SMAD7: variants seen among roughly 807,000 people sequenced by gnomAD.
The protein encoded by SMAD7 is SMAD family member 7, also known as MAD (mothers against decapentaplegic, Drosophila) homolog 7.
A neutral mutation model predicts 38.7 loss-of-function variants in SMAD7; 8 were observed. The observed-to-expected ratio is 0.21, with a 90% CI of 0.12 to 0.37. The LOEUF is 0.37. Among genes scored for constraint, SMAD7 ranks in the 10% least tolerant of loss-of-function variants. The pLI, the probability that SMAD7 is intolerant of heterozygous loss-of-function variation, is 1.00. For synonymous variants in SMAD7, 327 were observed against 265.1 expected, an observed-to-expected ratio of 1.23 and a Z score of -2.27; for missense variants, 477 against 577.9, an observed-to-expected ratio of 0.83 and a Z score of 1.79.
intron 1 of SMAD7, chr18:48,949,080 G>A (rs2070230959): frequency 1.3e-5 from 2 of 152,842 alleles, no homozygotes; most frequent in African/African-American, 4.8e-5. Flanking sequence ...AGCGCAGTAA[G>A]AGGCGACAAC....
At chr18:48,948,738 G>A (rs1362878872) in intron 1 of SMAD7, among the ~76,000 whole-genome samples, 2 of 152,242 alleles carry the variant, frequency 1.3e-5, no homozygotes, top group African/African-American at 4.8e-5. Flanking sequence ...CAGGGCGGGG[G>A]GCGACCATGC....
chr18:48,925,084 G>A (rs1264515894), intron 3 of SMAD7, among the ~76,000 whole-genome samples: 1 of 152,228 alleles, frequency 6.6e-6, no homozygotes, highest in Non-Finnish European at 1.5e-5. Flanking sequence ...CGGGCCACGT[G>A]TCGAGGGGCT....
chr18:48,929,563 T>TCACACACACA (rs1290309827), intron 3 of SMAD7, among the ~76,000 whole-genome samples: 1 of 38,560 alleles, frequency 2.6e-5, no homozygotes, highest in Non-Finnish European at 6.0e-5. Flanking sequence ...TCTCTCTCTC[T>TCACACACACA]CTCTCTCACT....
At chr18:48,949,244 A>G in intron 1 of SMAD7, 1 of 982,110 alleles carries the variant, frequency 1.0e-6, no homozygotes, top group Non-Finnish European at 1.2e-6. Context: ...TCGGCCTTCC[A>G]TCCAACTCTC....
rs141923602 is a variant in SMAD7, at chr18:48,929,516, TTCTC to T, written c.743-7610_743-7607del. On this transcript the variant is annotated intron_variant, in intron 3 of 3. Coordinates refer to ENST00000262158, the MANE Select transcript of SMAD7 (RefSeq NM_005904.4). The stretch of plus-strand genomic sequence containing the variant: ...GCAGCTGGCACTGAATGCTGATTCA[TTCTC>T]TCTCTCTCTCTCTCAATCTCTTTCT... Among the ~76,000 whole-genome samples, 507 of 144,386 alleles carry T rather than the reference TTCTC, an allele frequency of 3.5e-3. 4 individuals carry two copies. Among genetic ancestry groups the T allele is most frequent in the Admixed American group, 0.021 (308 of 14,484 alleles). 94.7% of individuals were successfully genotyped at this position (144,386 alleles called of 152,430 possible). A position where few individuals can be genotyped will look rare whatever the true frequency, so the allele number is the denominator to read the frequency against.
rs1568301720 is a variant in SMAD7 at position 48,934,859 on chromosome 18, C to A, written c.742+7622G>T. The stretch of plus-strand genomic sequence containing the variant: ...AACCACTTTTCTCTGGAGTTATTCT[C>A]AAAAAAAAAGATGATGCAATTTCCT... On this transcript the variant is annotated intron_variant, in intron 3 of 3. Transcript: ENST00000262158. Among the ~76,000 whole-genome samples, 4 of 150,226 alleles carry A rather than the reference C, an allele frequency of 2.7e-5. 1 individual carries two copies. The highest frequency in any genetic ancestry group is 2.0e-4 in the Admixed American group (3 of 15,110).
At chr18:48,945,023 A>G (rs1309936727) in intron 2 of SMAD7, among the ~76,000 whole-genome samples, 1 of 152,206 alleles carries the variant, frequency 6.6e-6, no homozygotes, top group Non-Finnish European at 1.5e-5. Context: ...TGGGAGTCCC[A>G]CGATAGTCTC....
intron 3 of SMAD7, among the ~76,000 whole-genome samples, chr18:48,938,589 G>A (rs1363249081): frequency 6.6e-6 from 1 of 152,186 alleles, no homozygotes; most frequent in African/African-American, 2.4e-5. Context: ...AAAGGAGGAG[G>A]CTAGAAGATG....
At position 48,921,978 on chromosome 18, in the gene SMAD7, CG is replaced by C; in HGVS notation, c.743-69del. The C allele has an allele frequency of 8.2e-7, 1 of 1,214,980 alleles. No individual in the cohort carries two copies. Among genetic ancestry groups the C allele is most frequent in the Non-Finnish European group, 1.1e-6 (1 of 873,714 alleles). The allele number at this position is 1,214,980 out of a possible 1,614,324, so 75.3% of individuals were successfully genotyped here. On this transcript the variant is annotated intron_variant, in intron 3 of 3. Transcript: ENST00000262158. This position sits in a 1 kb window ranked among gnomAD's most constrained non-coding sequence, Gnocchi z 6.4. ...TGGTGACTCCTAGAATGAAGACACC[CG>C]CCCCCCCACTGCACCCAGTCACCAG...
chr18:48,932,691 T>C (rs1177230917), intron 3 of SMAD7, among the ~76,000 whole-genome samples: 2 of 152,266 alleles, frequency 1.3e-5, no homozygotes, highest in African/African-American at 4.8e-5. Flanking sequence ...GGTAACTGCA[T>C]CTTAGATTAT....
At chr18:48,949,505 C>T (rs1412878416) in intron 1 of SMAD7, among the ~76,000 whole-genome samples, 3 of 151,966 alleles carry the variant, frequency 2.0e-5, no homozygotes, top group African/African-American at 4.8e-5. Flanking sequence ...GAAATGAAGG[C>T]GTCTAATTTT....
chr18:48,938,585 G>A (rs2070098262), intron 3 of SMAD7, among the ~76,000 whole-genome samples: 1 of 152,180 alleles, frequency 6.6e-6, no homozygotes, highest in African/African-American at 2.4e-5. Flanking sequence ...ATATAAAGGA[G>A]GAGGCTAGAA....
Position 48,950,505 on chromosome 18 carries a change from C to T in SMAD7, c.-81G>A. Reference sequence around the variant, plus strand: ...CTCCGCACACCATGAAGAAGTCGGGCGCCGAGTTGGGGCAGCAGGCGCAGG... The same window carrying T: ...CTCCGCACACCATGAAGAAGTCGGGTGCCGAGTTGGGGCAGCAGGCGCAGG... On this transcript the variant is annotated 5_prime_UTR_variant, in exon 1 of 4. Coordinates refer to ENST00000262158, the MANE Select transcript of SMAD7 (RefSeq NM_005904.4). The T allele has an allele frequency of 7.2e-7, 1 of 1,383,348 alleles. No homozygotes were observed. The highest frequency in any genetic ancestry group is 9.5e-7 in the Non-Finnish European group (1 of 1,048,562). The allele number at this position is 1,383,348 out of a possible 1,614,324, so 85.7% of individuals were successfully genotyped here.
intron 3 of SMAD7, among the ~76,000 whole-genome samples, chr18:48,927,736 G>A (rs989025105): frequency 1.6e-4 from 24 of 152,322 alleles, no homozygotes; most frequent in Admixed American, 5.2e-4. Flanking sequence ...ATGCCCACCA[G>A]TCTTCCTGAT....
intron 2 of SMAD7, among the ~76,000 whole-genome samples, 189 bp downstream of exon 2, chr18:48,948,195 C>G (rs909029000): frequency 6.6e-6 from 1 of 152,174 alleles, no homozygotes; most frequent in East Asian, 1.9e-4. Context: ...ATCAAGGGAA[C>G]GTCTTTGCAA....
intron 2 of SMAD7, among the ~76,000 whole-genome samples, chr18:48,943,134 A>AACC (rs1466166939): frequency 6.6e-6 from 1 of 152,182 alleles, no homozygotes; most frequent in African/African-American, 2.4e-5. Context: ...ACATCTGTGT[A>AACC]ACCACCACCA....
At chr18:48,939,196 CAA>C (rs1289081288) in intron 3 of SMAD7, among the ~76,000 whole-genome samples, 1 of 148,636 alleles carries the variant, frequency 6.7e-6, no homozygotes, top group Non-Finnish European at 1.5e-5. Context: ...CATACACACA[CAA>C]GCTTGCACCC....
chr18:48,926,011 G>A (rs2069923674), intron 3 of SMAD7, among the ~76,000 whole-genome samples: 1 of 152,232 alleles, frequency 6.6e-6, no homozygotes, highest in Admixed American at 6.5e-5. Flanking sequence ...CTCCCAAAGT[G>A]CTGGGATTAT....
rs143029140 is a variant in SMAD7, at chr18:48,921,405, C to T, written c.1248G>A (p.Pro416=). 12 of 1,613,730 alleles carry T rather than the reference C, an allele frequency of 7.4e-6. No homozygotes were observed. The highest frequency in any genetic ancestry group is 2.2e-5 in the East Asian group (1 of 44,888). ...TGTTGAAGATGACCTCTAGCCAGCA[C>T]GGGCAGCTGCTGATGAACTGGCGGG... is the stretch of plus-strand genomic sequence containing the variant. ...CYTRQFISSC[P]CWLEVIFNSR The change falls in exon 4 of 4, where the codon CCG becomes CCA. Residue 416 remains proline (P), a synonymous_variant. Transcript: ENST00000262158. The surrounding 1 kb of genome is among the most constrained non-coding windows in gnomAD (Gnocchi z 6.4).
Sources: allele counts gnomAD v4.1 joint callset (sites outside exome capture counted in the v4.1 genomes callset), GRCh38; gene constraint gnomAD v4.1.1; non-coding constraint Gnocchi (gnomAD v3.1); transcripts MANE v1.5; gene names NCBI Gene and HGNC (gene_info 2026-07-23, HGNC 2026-07-21).